The following ATP11A variants were observed in gnomAD, a reference collection of about 807,000 sequenced individuals.
ATP11A encodes phospholipid-transporting ATPase IH.
A neutral mutation model predicts 154.4 loss-of-function variants in ATP11A; 81 were observed. The ratio of observed to expected loss-of-function variants is 0.52; its 90% CI spans 0.44 to 0.63. The LOEUF (loss-of-function observed/expected upper bound fraction) is 0.63, where lower values mean the gene tolerates loss of function less well. Ranked by LOEUF, ATP11A falls within the 30% of genes least tolerant of loss-of-function variation. The probability of loss-of-function intolerance (pLI) is 0.00; values close to 1 mark genes in which losing one functional copy is unlikely to be tolerated. For synonymous variants in ATP11A, 623 were observed against 585.9 expected (o/e 1.06, Z -0.91); for missense variants, 1,316 against 1,474.3 (o/e 0.89, Z 1.76).
In ATP11A at chr13:112,794,783, G is replaced by A. The variant is rs189259163; in HGVS notation, c.162+9526G>A. Among the ~76,000 whole-genome samples the A allele has an allele frequency of 4.6e-3, 706 of 152,184 alleles. 4 individuals carry two copies. The highest frequency in any genetic ancestry group is 0.023 in the Admixed American group (357 of 15,288). Reference sequence around the variant, plus strand: ...CTCGGGAGGTTGAGGCAGGAAAATCGCTTGAACCCGGGAGGCAGAGGTTGC... The same window carrying A: ...CTCGGGAGGTTGAGGCAGGAAAATCACTTGAACCCGGGAGGCAGAGGTTGC... On this transcript the variant is annotated intron_variant, in intron 2 of 29. Transcript: ENST00000375645.
chr13:112,739,130 A>G (rs1416668296), intron 1 of ATP11A, among the ~76,000 whole-genome samples: 1 of 152,222 alleles, frequency 6.6e-6, no homozygotes, highest in Non-Finnish European at 1.5e-5. Flanking sequence ...ATTGGACTAG[A>G]TTAAAATTAA....
chr13:112,863,542 G>A (rs1321601259), intron 25 of ATP11A, among the ~76,000 whole-genome samples: 4 of 150,026 alleles, frequency 2.7e-5, no homozygotes, highest in African/African-American at 9.9e-5. Context: ...AGCACGTGCA[G>A]CTTCCCAGCG....
In ATP11A at chr13:112,878,212, CTA is replaced by C; in HGVS notation, c.3328-4_3328-3del. ...GTGTGCGTGGCCGCTGACCTCGGGA[CTA>C]AGACTAAGAGCCAGTGCCTTTCTGT... On this transcript the variant is annotated splice_polypyrimidine_tract_variant and splice_region_variant and intron_variant, in intron 28 of 29. Coordinates refer to ENST00000375645, the MANE Select transcript of ATP11A (RefSeq NM_015205.3). 1 of 1,614,152 alleles carries C rather than the reference CTA, an allele frequency of 6.2e-7. No individual in the cohort carries two copies. The highest frequency in any genetic ancestry group is 8.5e-7 in the Non-Finnish European group (1 of 1,179,970).
At chr13:112,731,964 G>A (rs779784532) in intron 1 of ATP11A, among the ~76,000 whole-genome samples, 24 of 150,642 alleles carry the variant, frequency 1.6e-4, no homozygotes, top group Non-Finnish European at 2.2e-4. Flanking sequence ...CCCATGTTCC[G>A]GTGTGGGAAG....
chr13:112,744,709 T>C (rs1488009996), intron 1 of ATP11A, among the ~76,000 whole-genome samples: 2 of 152,220 alleles, frequency 1.3e-5, no homozygotes, highest in Non-Finnish European at 2.9e-5. Context: ...TCCCTCCTGG[T>C]CGACTCTTAG....
rs891745394 is a variant in ATP11A at position 112,868,966 on chromosome 13, T to G, written c.2992-2769T>G. On this transcript the variant is annotated intron_variant, in intron 25 of 29. Coordinates refer to ENST00000375645, the MANE Select transcript of ATP11A (RefSeq NM_015205.3). ...CACACTTTGAAACAACCAGATCTCATGAGAACTCACTCGCCCACCGTCAAC... is the reference window on the plus strand; with the variant it reads ...CACACTTTGAAACAACCAGATCTCAGGAGAACTCACTCGCCCACCGTCAAC... 4.6e-5 allele frequency among the ~76,000 whole-genome samples: 7 copies of G among 151,992 alleles called. No individual in the cohort carries two copies. In the South Asian group the frequency reaches 1.5e-3, roughly 32 times the overall value.
At chr13:112,835,838 G>A (rs1414387444) in intron 15 of ATP11A, among the ~76,000 whole-genome samples, 2 of 152,246 alleles carry the variant, frequency 1.3e-5, no homozygotes, top group Non-Finnish European at 2.9e-5. Context: ...ACAACTTTGA[G>A]TCTCTGTTCA....
intron 25 of ATP11A, among the ~76,000 whole-genome samples, chr13:112,863,105 A>C (rs9549307): frequency 2.1e-5 from 1 of 47,780 alleles, no homozygotes; most frequent in Admixed American, 2.6e-4. Flanking sequence ...AGCGTAGCAC[A>C]TGCAGTTTCC....
At chr13:112,751,734 C>T (rs565994231) in intron 1 of ATP11A, among the ~76,000 whole-genome samples, 12 of 151,806 alleles carry the variant, frequency 7.9e-5, no homozygotes, top group Non-Finnish European at 1.3e-4. Context: ...AGATAATCCC[C>T]CCCCCCTTTT....
rs530303167 is a variant in ATP11A at position 112,690,774 on chromosome 13, C to G, written c.39+319C>G. On this transcript the variant is annotated intron_variant, in intron 1 of 29. Coordinates refer to ENST00000375645, the MANE Select transcript of ATP11A (RefSeq NM_015205.3). The surrounding 1 kb of genome is among the most constrained non-coding windows in gnomAD (Gnocchi z 5.6). ...TCCCTCGGAGAGGCTGGCTGGGGTT[C>G]GAGCTGTCCCGGCGGACCGGGCGCC... is the stretch of plus-strand genomic sequence containing the variant. Among the ~76,000 whole-genome samples, 3 of 151,998 alleles carry G rather than the reference C, an allele frequency of 2.0e-5. No individual in the cohort carries two copies. Among genetic ancestry groups the G allele is most frequent in the African/African-American group, 7.2e-5 (3 of 41,414 alleles).
chr13:112,776,460 G>A (rs2077351764), intron 1 of ATP11A, among the ~76,000 whole-genome samples: 1 of 152,222 alleles, frequency 6.6e-6, no homozygotes, highest in Non-Finnish European at 1.5e-5. Flanking sequence ...TCTATGCTGC[G>A]TGACACTGAA....
rs530310166 is a variant in ATP11A, at chr13:112,849,286, TC to T, written c.1810-1750del. Among the ~76,000 whole-genome samples, 103 of 152,374 alleles carry T rather than the reference TC, an allele frequency of 6.8e-4. 1 individual carries two copies. The South Asian group carries it at 0.013, about 19-fold the overall frequency. On this transcript the variant is annotated intron_variant, in intron 17 of 29. Transcript: ENST00000375645. ...CATCTATATTTCTAAGGGATATTGT[TC>T]TACAGTTTTCTTGTAGGGTATTTGT...
At position 112,884,156 on chromosome 13, in the gene ATP11A, C is replaced by A. The variant is rs1488408335; in HGVS notation, c.*2290C>A. The A allele has an allele frequency of 6.6e-6, 1 of 152,550 alleles. No individual in the cohort carries two copies. The highest frequency in any genetic ancestry group is 2.4e-5 in the African/African-American group (1 of 41,446). 9.4% of individuals were successfully genotyped at this position (152,550 alleles called of 1,614,324 possible). ...TTTTCAGATTTGATTTTATTCTCTA[C>A]ACACACCTCTTCTTTTCTTGGTATT... is the stretch of plus-strand genomic sequence containing the variant. On this transcript the variant is annotated 3_prime_UTR_variant, in exon 30 of 30. Transcript: ENST00000375645.
At chr13:112,854,096 A>G (rs1220287840) in intron 18 of ATP11A, among the ~76,000 whole-genome samples, 183 bp from the exon 19 acceptor site, 1 of 152,200 alleles carries the variant, frequency 6.6e-6, no homozygotes, top group East Asian at 1.9e-4. Context: ...GTGAAACACT[A>G]GTTCAGACCT....
At chr13:112,704,691 C>A (rs1886953749) in intron 1 of ATP11A, among the ~76,000 whole-genome samples, 1 of 151,746 alleles carries the variant, frequency 6.6e-6, no homozygotes, top group Non-Finnish European at 1.5e-5. Context: ...AGCAGCTCAC[C>A]CATTTCCTTC....
At chr13:112,861,053 G>C (rs865882794) in intron 24 of ATP11A, among the ~76,000 whole-genome samples, 1 of 152,292 alleles carries the variant, frequency 6.6e-6, no homozygotes, top group South Asian at 2.1e-4. Context: ...CAATCATGGC[G>C]GAAGGCATGA....
chr13:112,879,316 C>G (rs1015809711), intron 29 of ATP11A, among the ~76,000 whole-genome samples: 2 of 152,210 alleles, frequency 1.3e-5, no homozygotes, highest in Admixed American at 1.3e-4. Context: ...TTTTTAAGTC[C>G]AAGCAATTAA....
intron 29 of ATP11A, chr13:112,880,678 G>T: frequency 7.9e-7 from 1 of 1,269,376 alleles, no homozygotes; most frequent in Non-Finnish European, 1.0e-6. Context: ...GACGCCGCCC[G>T]TGTGCTGTGA....
rs2080784186 is a variant in ATP11A, at chr13:112,878,135, TC to T, written c.3328-80del. On this transcript the variant is annotated intron_variant, in intron 28 of 29. Transcript: ENST00000375645. ...TGTTTCTCTTTCCTTCCCATTTCCT[TC>T]CGTCTTCCGACCGCTTTGCCTAAAT... is the stretch of plus-strand genomic sequence containing the variant. 7 of 1,292,090 alleles carry T rather than the reference TC, an allele frequency of 5.4e-6. No homozygotes were observed. The East Asian group carries it at 1.6e-4, about 30-fold the overall frequency. The allele number at this position is 1,292,090 out of a possible 1,614,324, so 80.0% of individuals were successfully genotyped here. A position where few individuals can be genotyped will look rare whatever the true frequency, so the allele number is the denominator to read the frequency against.
Sources: gnomAD v4.1 joint callset for allele counts (sites outside exome capture counted in the v4.1 genomes callset) on GRCh38, gnomAD v4.1.1 for gene constraint, Gnocchi (gnomAD v3.1) non-coding constraint, MANE v1.5 for transcripts, NCBI Gene and HGNC (gene_info 2026-07-23, HGNC 2026-07-21) for gene names.